Variants in DIAPH2 observed in about 807,000 individuals in gnomAD.
The protein encoded by DIAPH2 is protein diaphanous homolog 2.
A neutral mutation model predicts 92.7 loss-of-function variants in DIAPH2; 35 were observed. The ratio of observed to expected loss-of-function variants is 0.38; its 90% CI spans 0.29 to 0.50. The LOEUF (loss-of-function observed/expected upper bound fraction) is 0.50. Among genes scored for constraint, DIAPH2 ranks in the 20% least tolerant of loss-of-function variants. The pLI is 0.94. For missense variants in DIAPH2, 701 were observed against 819.5 expected (o/e 0.86, Z 1.77); for synonymous variants, 301 against 280.4 (o/e 1.07, Z -0.73).
chrX:96,875,867 T>A (rs2065175144), intron 4 of DIAPH2, among the ~76,000 whole-genome samples: 1 of 111,173 alleles, frequency 9.0e-6, no homozygotes, highest in Admixed American at 9.6e-5. Flanking sequence ...GGACTTCATG[T>A]CTAAAACACC....
chrX:96,708,519 C>T (rs902447991), intron 1 of DIAPH2, among the ~76,000 whole-genome samples: 1 of 111,178 alleles, frequency 9.0e-6, no homozygotes, highest in African/African-American at 3.3e-5. Flanking sequence ...GGATTAGAGG[C>T]GTGAGCCACC....
intron 4 of DIAPH2, among the ~76,000 whole-genome samples, chrX:96,813,092 C>T (rs1240157984): frequency 9.0e-6 from 1 of 111,307 alleles, no homozygotes; most frequent in African/African-American, 3.3e-5. Flanking sequence ...CCTGCTGTCT[C>T]ATTGATCTGT....
intron 16 of DIAPH2, among the ~76,000 whole-genome samples, chrX:96,964,785 G>A (rs1202160767): frequency 9.0e-6 from 1 of 110,985 alleles, no homozygotes; most frequent in Non-Finnish European, 1.9e-5. Flanking sequence ...AAAAACCCAG[G>A]AACAAGAAGA....
intron 5 of DIAPH2, among the ~76,000 whole-genome samples, chrX:96,908,760 C>T (rs1300728893): frequency 9.0e-6 from 1 of 111,171 alleles, no homozygotes; most frequent in Admixed American, 9.5e-5. Flanking sequence ...CCACCACGCC[C>T]AGCTAATTTT....
At chrX:97,575,175 T>C (rs768231598) in intron 26 of DIAPH2, among the ~76,000 whole-genome samples, 1 of 112,948 alleles carries the variant, frequency 8.9e-6, no homozygotes. Context: ...CACAGAAATG[T>C]ATTGTCTCAT....
intron 26 of DIAPH2, among the ~76,000 whole-genome samples, chrX:97,505,398 G>A (rs891325725): frequency 8.9e-6 from 1 of 112,009 alleles, no homozygotes; most frequent in Non-Finnish European, 1.9e-5. Flanking sequence ...TGGAAGCAAG[G>A]AGGCATTTGA....
At chrX:97,159,662 G>A (rs746519846) in intron 22 of DIAPH2, among the ~76,000 whole-genome samples, 1 of 112,085 alleles carries the variant, frequency 8.9e-6, no homozygotes, top group Admixed American at 9.5e-5. Flanking sequence ...ACATACGCAG[G>A]TAGGTAACAG....
At chrX:96,940,314 G>A (rs1165810130) in intron 12 of DIAPH2, among the ~76,000 whole-genome samples, 1 of 111,935 alleles carries the variant, frequency 8.9e-6, no homozygotes, top group Non-Finnish European at 1.9e-5. Context: ...AAATAAATGA[G>A]TATGAAAATA....
chrX:96,945,784 C>T (rs1315225984), intron 14 of DIAPH2, among the ~76,000 whole-genome samples, 193 bp downstream of exon 14: 1 of 111,501 alleles, frequency 9.0e-6, no homozygotes, highest in Non-Finnish European at 1.9e-5. Context: ...CCCTCATCAT[C>T]ATGTTTAATC....
intron 25 of DIAPH2, among the ~76,000 whole-genome samples, chrX:97,411,358 G>A (rs945273073): frequency 8.9e-6 from 1 of 112,014 alleles, no homozygotes; most frequent in African/African-American, 3.2e-5. Flanking sequence ...AATGCTGAGA[G>A]ATTGTGTCAC....
chrX:96,958,019 A>G lies in DIAPH2; in HGVS notation c.1806A>G (p.Gly602=). 7 of 1,209,260 alleles carry G rather than the reference A, an allele frequency of 5.8e-6. No homozygotes were observed. Among genetic ancestry groups the G allele is most frequent in the Non-Finnish European group, 7.8e-6 (7 of 894,600 alleles). ...PPPPPPLLFG[G]PPPPPPLGGV... is the part of the protein sequence containing the mutation. ...CCCCACCACCACTTTTATTTGGGGG[A>G]CCTCCTCCACCACCACCCCTTGGAG... is the stretch of plus-strand genomic sequence containing the variant. The change falls in exon 16 of 27, where the codon GGA becomes GGG. Residue 602 remains glycine (G), a synonymous_variant. Transcript: ENST00000324765.
chrX:97,344,585 A>G (rs779776958), intron 23 of DIAPH2, among the ~76,000 whole-genome samples: 22 of 112,039 alleles, frequency 2.0e-4, no homozygotes, highest in Non-Finnish European at 3.6e-4. Flanking sequence ...CCAGCCATCT[A>G]TCCCTTTTAC....
chrX:97,511,525 G>A (rs1183225610), intron 26 of DIAPH2, among the ~76,000 whole-genome samples: 1 of 108,999 alleles, frequency 9.2e-6, no homozygotes, highest in African/African-American at 3.3e-5. Flanking sequence ...AATTGCCCTG[G>A]CCAGAACTTC....
intron 4 of DIAPH2, among the ~76,000 whole-genome samples, chrX:96,815,715 A>C (rs758636889): frequency 1.8e-5 from 2 of 110,789 alleles, no homozygotes; most frequent in South Asian, 7.8e-4. Flanking sequence ...GCCAGGCTGG[A>C]GTGCAGTGGC....
At chrX:97,275,413 G>C (rs71409581) in intron 23 of DIAPH2, among the ~76,000 whole-genome samples, 1 of 105,346 alleles carries the variant, frequency 9.5e-6, no homozygotes, top group African/African-American at 3.5e-5. Flanking sequence ...CTGGCCAGGC[G>C]GGGGCTGCCC....
chrX:97,553,988 A>G (rs1471703911), intron 26 of DIAPH2, among the ~76,000 whole-genome samples: 1 of 111,961 alleles, frequency 8.9e-6, no homozygotes, highest in Non-Finnish European at 1.9e-5. Flanking sequence ...TGTACCTTGT[A>G]TATGTATGTG....
At chrX:97,028,449 C>T (rs762803833) in intron 17 of DIAPH2, among the ~76,000 whole-genome samples, 44 of 111,808 alleles carry the variant, frequency 3.9e-4, no homozygotes, top group East Asian at 8.4e-4. Flanking sequence ...TTAGCAGTCA[C>T]TCCTCATCTT....
intron 22 of DIAPH2, among the ~76,000 whole-genome samples, chrX:97,245,108 A>T (rs1281123115): frequency 2.3e-5 from 2 of 88,390 alleles, no homozygotes; most frequent in East Asian, 1.0e-3. Context: ...AAAAAGCCAC[A>T]TGAGTTTTTG....
chrX:97,417,629 C>G (rs138726214), intron 25 of DIAPH2, among the ~76,000 whole-genome samples: 2,368 of 111,164 alleles, frequency 0.021, 65 homozygotes, highest in African/African-American at 0.074. Flanking sequence ...GAGCAGAGAT[C>G]GTGCCACTGC....
Sources: gnomAD v4.1 joint callset for allele counts (sites outside exome capture counted in the v4.1 genomes callset) on GRCh38, gnomAD v4.1.1 for gene constraint, MANE v1.5 for transcripts, NCBI Gene and HGNC (gene_info 2026-07-23, HGNC 2026-07-21) for gene names.